RSF1: variants seen among roughly 807,000 people sequenced by gnomAD.
RSF1 encodes HBV pX-associated protein 8.
RSF1 carries 13 observed loss-of-function variants against 145.2 expected under a neutral mutation model. The observed-to-expected ratio is 0.09, with a 90% CI of 0.06 to 0.14. The LOEUF (loss-of-function observed/expected upper bound fraction) is 0.14, where lower values mean the gene tolerates loss of function less well. RSF1 is among the 10% of genes least tolerant of loss of function. The probability of loss-of-function intolerance (pLI) is 1.00; values close to 1 mark genes in which losing one functional copy is unlikely to be tolerated. For missense variants in RSF1, 1,517 were observed against 1,718.2 expected (o/e 0.88, Z 2.07); for synonymous variants, 577 against 592.6 (o/e 0.97, Z 0.38).
At chr11:77,782,316 A>T (rs1948412014) in intron 1 of RSF1, among the ~76,000 whole-genome samples, 1 of 152,198 alleles carries the variant, frequency 6.6e-6, no homozygotes, top group Admixed American at 6.5e-5. Context: ...TGAGGCAGGC[A>T]GATCACTTTT....
chr11:77,681,327 A>G (rs1482231246), intron 11 of RSF1, among the ~76,000 whole-genome samples: 2 of 152,224 alleles, frequency 1.3e-5, no homozygotes, highest in Non-Finnish European at 2.9e-5. Context: ...TACTCTACCT[A>G]GTTCCAAAAT....
At chr11:77,726,410 C>CCT (rs1190503459) in intron 4 of RSF1, among the ~76,000 whole-genome samples, 2 of 152,176 alleles carry the variant, frequency 1.3e-5, no homozygotes, top group Non-Finnish European at 2.9e-5. Context: ...TCAAGACCCT[C>CCT]CTACCTCAGC....
At chr11:77,727,602 G>A (rs986836675) in intron 4 of RSF1, among the ~76,000 whole-genome samples, 6 of 149,046 alleles carry the variant, frequency 4.0e-5, no homozygotes, top group African/African-American at 9.9e-5. Context: ...TCAGACTCCC[G>A]AGTAGCTGGG....
chr11:77,823,527 C>T (rs572956306), upstream of RSF1, among the ~76,000 whole-genome samples: 5 of 146,856 alleles, frequency 3.4e-5, no homozygotes, highest in Admixed American at 2.1e-4. Flanking sequence ...CCAAGGAGTT[C>T]GAGACCAGCC....
intron 1 of RSF1, among the ~76,000 whole-genome samples, chr11:77,801,300 T>C (rs796573095): frequency 6.6e-6 from 1 of 152,070 alleles, no homozygotes; most frequent in Non-Finnish European, 1.5e-5. Context: ...TGGTGGCACA[T>C]GCCTGTAGTC....
intron 1 of RSF1, among the ~76,000 whole-genome samples, chr11:77,784,037 G>A (rs1948430763): frequency 6.6e-6 from 1 of 152,048 alleles, no homozygotes; most frequent in Non-Finnish European, 1.5e-5. Flanking sequence ...GAGATTATTG[G>A]GTTTGTGGGT....
the RSF1 span, among the ~76,000 whole-genome samples, chr11:77,857,549 T>G: frequency 1.3e-5 from 2 of 152,302 alleles, no homozygotes; most frequent in East Asian, 3.8e-4. Flanking sequence ...AAGCCTTGGA[T>G]CCTATGACTC....
intron 1 of RSF1, among the ~76,000 whole-genome samples, chr11:77,787,900 C>A (rs1347745085): frequency 6.7e-6 from 1 of 149,632 alleles, no homozygotes; most frequent in Admixed American, 6.7e-5. Context: ...GAGGCCTAGA[C>A]AGGCAACTGC....
intron 3 of RSF1, among the ~76,000 whole-genome samples, chr11:77,744,598 C>G (rs1947979618): frequency 1.3e-5 from 2 of 152,212 alleles, no homozygotes; most frequent in African/African-American, 4.8e-5. Context: ...AGCCACTGTA[C>G]CTGGCCATGT....
the RSF1 span, chr11:77,831,924 G>C: frequency 7.1e-6 from 1 of 140,962 alleles, no homozygotes; most frequent in Non-Finnish European, 1.5e-5. Flanking sequence ...TGGCCAGTCT[G>C]GTCTTGAACT....
chr11:77,801,425 G>A (rs1030983979), intron 1 of RSF1, among the ~76,000 whole-genome samples: 36 of 152,056 alleles, frequency 2.4e-4, no homozygotes, highest in Non-Finnish European at 1.6e-4. Context: ...GCAAGACTCC[G>A]TCTCAAAAAA....
At chr11:77,806,788 AC>A (rs1948682101) in intron 1 of RSF1, among the ~76,000 whole-genome samples, 1 of 152,182 alleles carries the variant, frequency 6.6e-6, no homozygotes, top group African/African-American at 2.4e-5. Flanking sequence ...GAGTGAAAAA[AC>A]AAGGGAGGAG....
chr11:77,757,489 C>G (rs972024970), intron 2 of RSF1, among the ~76,000 whole-genome samples: 3 of 151,998 alleles, frequency 2.0e-5, no homozygotes, highest in African/African-American at 7.2e-5. Context: ...ACCATCCTGG[C>G]CAACATGGTG....
chr11:77,705,449 C>T (rs966221211), intron 5 of RSF1, among the ~76,000 whole-genome samples: 2 of 152,154 alleles, frequency 1.3e-5, no homozygotes, highest in Admixed American at 6.5e-5. Flanking sequence ...TCTCCACCAC[C>T]CCTAGCAGAA....
chr11:77,688,927 G>T (rs1425705498), intron 9 of RSF1, among the ~76,000 whole-genome samples: 3 of 152,232 alleles, frequency 2.0e-5, no homozygotes, highest in Admixed American at 6.5e-5. Context: ...TCTGGAGGCT[G>T]AATCCATTTT....
intron 5 of RSF1, among the ~76,000 whole-genome samples, chr11:77,707,383 C>T (rs1960575720): frequency 6.6e-6 from 1 of 152,212 alleles, no homozygotes; most frequent in African/African-American, 2.4e-5. Context: ...AAGCATATTT[C>T]ACCAACCTAC....
the RSF1 span, chr11:77,866,422 G>A: frequency 6.6e-6 from 1 of 152,248 alleles, no homozygotes; most frequent in Admixed American, 6.5e-5. Context: ...GCTAGTGGCA[G>A]GTTGAGGATG....
the RSF1 span, among the ~76,000 whole-genome samples, chr11:77,860,225 A>T: frequency 6.6e-6 from 1 of 152,214 alleles, no homozygotes; most frequent in Non-Finnish European, 1.5e-5. Flanking sequence ...CTTCTGCTTC[A>T]GGTTTCCACC....
At chr11:77,705,655 C>T (rs1175520138) in intron 5 of RSF1, among the ~76,000 whole-genome samples, 5 of 152,120 alleles carry the variant, frequency 3.3e-5, no homozygotes, top group Non-Finnish European at 5.9e-5. Context: ...ATGAGGAAGT[C>T]GTGGGTGAGA....
Sources: gnomAD v4.1 joint callset for allele counts (sites outside exome capture counted in the v4.1 genomes callset) on GRCh38, gnomAD v4.1.1 for gene constraint, MANE v1.5 for transcripts, NCBI Gene and HGNC (gene_info 2026-07-23, HGNC 2026-07-21) for gene names.